Variants in SERPINA11 observed in about 807,000 individuals in gnomAD.
SERPINA11 encodes serpin A11.
Under a neutral mutation model 29.4 loss-of-function variants are expected in SERPINA11, and 28 were observed. The observed-to-expected ratio is 0.95, with a 90% confidence interval of 0.70 to 1.30. SERPINA11 has a LOEUF of 1.30. Ranked by LOEUF, SERPINA11 falls within the 50% of genes most tolerant of loss-of-function variation. The pLI is 0.00. For missense variants in SERPINA11, 530 were observed against 507.3 expected (o/e 1.04, Z -0.43); for synonymous variants, 253 against 206.6 (o/e 1.22, Z -1.92).
rs756991062 is a variant in SERPINA11, at chr14:94,442,851, C to A, written c.1066-42G>T. The A allele has an allele frequency of 2.7e-6, 4 of 1,503,690 alleles. No individual in the cohort carries two copies. The Admixed American group carries it at 7.8e-5, about 29-fold the overall frequency. The allele number at this position is 1,503,690 out of a possible 1,614,324, so 93.1% of individuals were successfully genotyped here. ...GATGAAGACAGCATCAGTTTGGGGG[C>A]CTTCAAGGGGAAGACACTGTATTCC... On this transcript the variant is annotated intron_variant, in intron 4 of 4. Transcript: ENST00000334708.
chr14:94,444,768 A>G (rs1432145724), intron 3 of SERPINA11, among the ~76,000 whole-genome samples: 1 of 152,108 alleles, frequency 6.6e-6, no homozygotes, highest in Non-Finnish European at 1.5e-5. Context: ...TCACTTTTGG[A>G]TATGTGGGGT....
At position 94,442,823 on chromosome 14, in the gene SERPINA11, G is replaced by A. The variant is rs748208497; in HGVS notation, c.1066-14C>T. On this transcript the variant is annotated splice_polypyrimidine_tract_variant and intron_variant, in intron 4 of 4. Transcript: ENST00000334708. ...CTTGTGTGACACCTAGAGGACAAGAGGAGATGAAGACAGCATCAGTTTGGG... is the reference window on the plus strand; with the variant it reads ...CTTGTGTGACACCTAGAGGACAAGAAGAGATGAAGACAGCATCAGTTTGGG... 2.5e-6 allele frequency: 4 copies of A among 1,587,128 alleles called. No homozygotes were observed. Among genetic ancestry groups the A allele is most frequent in the Non-Finnish European group, 2.6e-6 (3 of 1,166,610 alleles).
At position 94,448,425 on chromosome 14, in the gene SERPINA11, T is replaced by C. The variant is rs1328585276; in HGVS notation, c.350A>G (p.Gln117Arg). The change falls in exon 2 of 5, where the codon CAG (glutamine) becomes CGG (arginine). Residue 117 changes from glutamine to arginine, a missense_variant. Coordinates refer to ENST00000334708, the MANE Select transcript of SERPINA11 (RefSeq NM_001080451.2). Reference sequence around the variant, plus strand: ...GGTGTGGAGGAGGCTCCGGAAGCCCTGGTGGATGTCGGCTTCAGGGGTTTC... The same window carrying C: ...GGTGTGGAGGAGGCTCCGGAAGCCCCGGTGGATGTCGGCTTCAGGGGTTTC... ...LTETPEADIH[Q>R]GFRSLLHTLA... is the part of the protein sequence containing the mutation. 2.5e-6 allele frequency: 4 copies of C among 1,614,118 alleles called. No homozygotes were observed. Among genetic ancestry groups the C allele is most frequent in the African/African-American group, 2.7e-5 (2 of 75,036 alleles).
At chr14:94,452,601 A>ACACACACACACACG (rs1898608001) in intron 1 of SERPINA11, 128 bp downstream of exon 1, 1 of 39,736 alleles carries the variant, frequency 2.5e-5, no homozygotes, top group Non-Finnish European at 4.7e-5. Context: ...AGCCAGGAAC[A>ACACACACACACACG]CACACACACA....
rs1566783837 is a variant in SERPINA11, at chr14:94,448,176, C to T, written c.599G>A (p.Ser200Asn). Reference protein sequence around the residue: ...GQVVDCLPEFSQDTFMVLANY... With the variant: ...GQVVDCLPEFNQDTFMVLANY... ...GGCAAGAACCATGAACGTGTCCTGG[C>T]TGAACTCCGGGAGGCAGTCCACGAC... The change falls in exon 2 of 5, where the codon AGC (serine) becomes AAC (asparagine). Residue 200 changes from serine to asparagine, a missense_variant. Ser to Asn is a conservative substitution (Grantham distance 46). Transcript: ENST00000334708. The T allele has an allele frequency of 1.9e-6, 3 of 1,614,224 alleles. No homozygotes were observed. Among genetic ancestry groups the T allele is most frequent in the Admixed American group, 1.7e-5 (1 of 60,038 alleles).
Position 94,446,435 on chromosome 14 carries a change from A to C in SERPINA11, c.813T>G (p.Asn271Lys). The C allele has an allele frequency of 6.2e-7, 1 of 1,614,134 alleles. No individual in the cohort carries two copies. Among genetic ancestry groups the C allele is most frequent in the Non-Finnish European group, 8.5e-7 (1 of 1,180,004 alleles). Residue 271 changes from asparagine to lysine, a missense_variant, in exon 3 of 5, where the codon AAT becomes AAG. Transcript: ENST00000334708. ...CTVLQIEYRG[N>K]ALALLVLPDP... is the part of the protein sequence containing the mutation. ...CAGGGAGGACCAGCAGCGCCAAGGC[A>C]TTTCCTCTGTATTCTATCTGGAGGA...
intron 1 of SERPINA11, among the ~76,000 whole-genome samples, chr14:94,450,115 C>T (rs1013177602): frequency 1.3e-5 from 2 of 152,132 alleles, no homozygotes; most frequent in African/African-American, 4.8e-5. Flanking sequence ...ATGTCTCTGT[C>T]CAGCCTCTGA....
chr14:94,451,751 G>C (rs920760505), intron 1 of SERPINA11, among the ~76,000 whole-genome samples: 1 of 152,116 alleles, frequency 6.6e-6, no homozygotes, highest in Non-Finnish European at 1.5e-5. Context: ...CCACCTCCTG[G>C]GTGTGGGGCC....
At chr14:94,452,503 A>C (rs1400493690) in intron 1 of SERPINA11, among the ~76,000 whole-genome samples, 1 of 152,000 alleles carries the variant, frequency 6.6e-6, no homozygotes, top group Admixed American at 6.6e-5. Context: ...AGGAGATTGA[A>C]AACCTGAAGT....
At position 94,449,447 on chromosome 14, in the gene SERPINA11, T is replaced by G. The variant is rs547004315; in HGVS notation, c.-3-670A>C. On this transcript the variant is annotated intron_variant, in intron 1 of 4. Coordinates refer to ENST00000334708, the MANE Select transcript of SERPINA11 (RefSeq NM_001080451.2). ...TTTCTTTCTTTCTTTCTTTCTTTCT[T>G]TCTTTCTTTCTTTCTTTCTTTCTTT... Among the ~76,000 whole-genome samples the G allele has an allele frequency of 1.6e-3, 175 of 112,266 alleles. 12 individuals are homozygous for G. Among genetic ancestry groups the G allele is most frequent in the African/African-American group, 7.1e-3 (144 of 20,184 alleles). The allele number at this position is 112,266 out of a possible 152,430, so 73.7% of individuals were successfully genotyped here. A position where few individuals can be genotyped will look rare whatever the true frequency, so the allele number is the denominator to read the frequency against.
chr14:94,448,848 C>A (rs1898501212), intron 1 of SERPINA11, 71 bp from the exon 2 acceptor site: 1 of 1,380,462 alleles, frequency 7.2e-7, no homozygotes, highest in African/African-American at 1.4e-5. Flanking sequence ...GCTCATACCA[C>A]AAATCCCACC....
chr14:94,444,193 G>A (rs1427333961), intron 3 of SERPINA11, among the ~76,000 whole-genome samples: 2 of 152,156 alleles, frequency 1.3e-5, no homozygotes, highest in Admixed American at 6.5e-5. Flanking sequence ...GTCTAGTGGG[G>A]CAGGGGTCTG....
Position 94,448,152 on chromosome 14 carries a change from G to A in SERPINA11, c.623C>T (p.Ala208Val), listed in dbSNP as rs143070250. ...EFSQDTFMVL[A>V]NYIFFKAKWK... ...CTCACCTTTGAAGAAGATGTAATTG[G>A]CAAGAACCATGAACGTGTCCTGGCT... Residue 208 changes from alanine (A) to valine (V), a missense_variant, in exon 2 of 5, where the codon GCC becomes GTC. By Grantham distance (64) the Ala-to-Val change is moderately conservative (BLOSUM62 0). Transcript: ENST00000334708. 4.3e-6 allele frequency: 7 copies of A among 1,613,730 alleles called. No individual in the cohort carries two copies. In the African/African-American group the frequency reaches 9.3e-5, roughly 22 times the overall value.
chr14:94,448,498 C>A lies in SERPINA11; in HGVS notation c.277G>T (p.Ala93Ser), dbSNP rs1473978625. 5 of 1,614,168 alleles carry A rather than the reference C, an allele frequency of 3.1e-6. No individual in the cohort carries two copies. Among genetic ancestry groups the A allele is most frequent in the Non-Finnish European group, 3.4e-6 (4 of 1,180,044 alleles). The change falls in exon 2 of 5, where the codon GCT becomes TCT. Residue 93 changes from alanine (A) to serine (S), a missense_variant. Coordinates refer to ENST00000334708, the MANE Select transcript of SERPINA11 (RefSeq NM_001080451.2). ...TCCAGGATCAGAGCTGAGGTGTTAG[C>A]TTGGGCCCCAAGAGAGAGCAGGGCC... Reference protein sequence around the residue: ...TLALLSLGAQANTSALILEGL... With the variant: ...TLALLSLGAQSNTSALILEGL...
rs756751530 is a variant in SERPINA11 at position 94,448,736 on chromosome 14, G to A, written c.39C>T (p.Ile13=). 1.3e-6 allele frequency: 2 copies of A among 1,517,236 alleles called. No individual in the cohort carries two copies. The highest frequency in any genetic ancestry group is 1.8e-6 in the Non-Finnish European group (2 of 1,134,154). The allele number at this position is 1,517,236 out of a possible 1,614,324, so 94.0% of individuals were successfully genotyped here. The part of the protein sequence containing the change: ...PAWLWLLGTG[I]LASVHCQPLL... ...GGGGCTGACAGTGGACAGAGGCCAG[G>A]ATCCCTGTTCCCAGTAGCCAAAGCC... Residue 13 remains isoleucine (I), a synonymous_variant, in exon 2 of 5, where the codon ATC becomes ATT. Transcript: ENST00000334708.
rs1266779884 is a variant in SERPINA11, at chr14:94,446,524, C to T, written c.724G>A (p.Val242Ile). Residue 242 changes from valine to isoleucine, a missense_variant, in exon 3 of 5, where the codon GTC becomes ATC. Transcript: ENST00000334708. The stretch of plus-strand genomic sequence containing the variant: ...ATTTCCTTTTGGTGCATCATGGGGA[C>T]CTGGAGAGAAGTCCTCTCATCCACA... ...FFVDERTSLQ[V>I]PMMHQKEMHR... The T allele has an allele frequency of 5.0e-6, 8 of 1,613,986 alleles. No individual in the cohort carries two copies. In the Admixed American group the frequency reaches 5.0e-5, roughly 10 times the overall value.
Position 94,443,112 on chromosome 14 carries a change from C to T in SERPINA11, c.1031G>A (p.Gly344Glu), listed in dbSNP as rs765629278. Residue 344 changes from glycine (G) to glutamate (E), a missense_variant, in exon 4 of 5, where the codon GGA becomes GAA. Physicochemically the swap from Gly to Glu is moderately conservative, Grantham distance 98. Coordinates refer to ENST00000334708, the MANE Select transcript of SERPINA11 (RefSeq NM_001080451.2). ...GGTTTTGTTGAGCTGCCCAGTGACT[C>T]CTGAGAAGTCAGCTTCTAAGTTGAG... ...NILNLEADFS[G>E]VTGQLNKTIS... The T allele has an allele frequency of 6.2e-7, 1 of 1,613,878 alleles. No homozygotes were observed. Among genetic ancestry groups the T allele is most frequent in the Non-Finnish European group, 8.5e-7 (1 of 1,179,868 alleles).
rs1277254123 is a variant in SERPINA11 at position 94,448,441 on chromosome 14, C to A, written c.334G>T (p.Glu112Ter). 14 of 1,614,012 alleles carry A rather than the reference C, an allele frequency of 8.7e-6. No homozygotes were observed. Among genetic ancestry groups the A allele is most frequent in the Non-Finnish European group, 1.2e-5 (14 of 1,180,038 alleles). ...GLGFNLTETP[E>*]ADIHQGFRSL... ...CGGAAGCCCTGGTGGATGTCGGCTT[C>A]AGGGGTTTCTGTGAGGTTGAATCCC... is the stretch of plus-strand genomic sequence containing the variant. Residue 112 changes from glutamate (E) to a stop codon, truncating the protein, a stop_gained, in exon 2 of 5, where the codon GAA becomes TAA. Transcript: ENST00000334708. LOFTEE classifies it high-confidence loss of function.
In SERPINA11 at chr14:94,449,467, T is replaced by TTC. The variant is rs1186029074; in HGVS notation, c.-3-692_-3-691dup. On this transcript the variant is annotated intron_variant, in intron 1 of 4. Coordinates refer to ENST00000334708, the MANE Select transcript of SERPINA11 (RefSeq NM_001080451.2). ...TTTCTTTCTTTCTTTCTTTCTTTCTTTCTTTCTTTCTTTCTGTCTGTCTGT... is the reference window on the plus strand; with the variant it reads ...TTTCTTTCTTTCTTTCTTTCTTTCTTTCTCTTTCTTTCTTTCTGTCTGTCTGT... 5.7e-4 allele frequency among the ~76,000 whole-genome samples: 50 copies of TTC among 88,184 alleles called. 1 individual carries two copies. Among genetic ancestry groups the TTC allele is most frequent in the African/African-American group, 3.7e-3 (47 of 12,688 alleles). 57.9% of individuals were successfully genotyped at this position (88,184 alleles called of 152,430 possible). A position where few individuals can be genotyped will look rare whatever the true frequency, so the allele number is the denominator to read the frequency against.
Sources: allele counts gnomAD v4.1 joint callset (sites outside exome capture counted in the v4.1 genomes callset), GRCh38; gene constraint gnomAD v4.1.1; transcripts MANE v1.5; gene names NCBI Gene and HGNC (gene_info 2026-07-23, HGNC 2026-07-21).